The following ECHS1 variants were observed in gnomAD, a reference collection of about 807,000 sequenced individuals.
ECHS1 encodes enoyl-CoA hydratase, mitochondrial.
In ECHS1, 19 loss-of-function variants were observed where a neutral mutation model predicts 33.5. That is an observed-to-expected ratio of 0.57 (90% CI 0.40 to 0.83). The LOEUF (loss-of-function observed/expected upper bound fraction) is 0.83, where lower values mean the gene tolerates loss of function less well. Among genes scored for constraint, ECHS1 ranks in the 40% least tolerant of loss-of-function variants. The pLI, the probability that ECHS1 is intolerant of heterozygous loss-of-function variation, is 0.00. For missense variants in ECHS1, 365 were observed against 381.3 expected, an observed-to-expected ratio of 0.96 and a Z score of 0.36; for synonymous variants, 158 against 146.6, an observed-to-expected ratio of 1.08 and a Z score of -0.56.
rs906664996 is a variant in ECHS1 at position 133,363,355 on chromosome 10, G to GCACACA, written c.808-428_808-423dup. On this transcript the variant is annotated intron_variant, in intron 7 of 7. Coordinates refer to ENST00000368547, the MANE Select transcript of ECHS1 (RefSeq NM_004092.4). ...CGTGTGTCCCCAGGTGTGCGCGCGC[G>GCACACA]CACACACACACACACACACACACAC... Among the ~76,000 whole-genome samples the GCACACA allele has an allele frequency of 2.2e-3, 320 of 144,990 alleles. 1 individual carries two copies. The highest frequency in any genetic ancestry group is 7.7e-3 in the African/African-American group (297 of 38,760).
chr10:133,362,802 C>T lies in ECHS1; in HGVS notation c.*66G>A. The T allele has an allele frequency of 6.5e-7, 1 of 1,538,730 alleles. No homozygotes were observed. The highest frequency in any genetic ancestry group is 1.4e-5 in the African/African-American group (1 of 73,380). Reference sequence around the variant, plus strand: ...TCTTGAAAAGAGGATGATTTACTTGCTTCTAAAACTGACAGGCTGCACTTG... The same window carrying T: ...TCTTGAAAAGAGGATGATTTACTTGTTTCTAAAACTGACAGGCTGCACTTG... On this transcript the variant is annotated 3_prime_UTR_variant, in exon 8 of 8. Transcript: ENST00000368547.
At position 133,370,534 on chromosome 10, in the gene ECHS1, ACAAAGGCCTCTGCTGCCGCGCGTACCTG is replaced by A. The variant is rs1382284183; in HGVS notation, c.284_286+25del. On this transcript the variant is annotated splice_donor_variant and splice_donor_5th_base_variant and coding_sequence_variant and intron_variant, in exon 2 of 8. Transcript: ENST00000368547. LOFTEE classifies it high-confidence loss of function. Reference sequence around the variant, plus strand: ...ACGTGCCTCCCACATCTGCCCAGACACAAAGGCCTCTGCTGCCGCGCGTACCTGCAAAGGCCTTATCCCCGCCGGTGAG... The same window carrying A: ...ACGTGCCTCCCACATCTGCCCAGACACAAAGGCCTTATCCCCGCCGGTGAG... 1 of 1,494,888 alleles carries A rather than the reference ACAAAGGCCTCTGCTGCCGCGCGTACCTG, an allele frequency of 6.7e-7. No individual in the cohort carries two copies. The highest frequency in any genetic ancestry group is 2.4e-5 in the East Asian group (1 of 41,288). The allele number at this position is 1,494,888 out of a possible 1,614,324, so 92.6% of individuals were successfully genotyped here. A position where few individuals can be genotyped will look rare whatever the true frequency, so the allele number is the denominator to read the frequency against.
At chr10:133,368,321 A>G (rs1462135944) in intron 4 of ECHS1, among the ~76,000 whole-genome samples, 3 of 152,162 alleles carry the variant, frequency 2.0e-5, no homozygotes, top group Non-Finnish European at 4.4e-5. Flanking sequence ...CACCGAGCTC[A>G]CAGCTCCAGG....
chr10:133,366,176 C>G, intron 5 of ECHS1, 81 bp from the exon 6 acceptor site: 1 of 1,532,184 alleles, frequency 6.5e-7, no homozygotes, highest in Non-Finnish European at 8.8e-7. Flanking sequence ...CGCTGGGGAG[C>G]AGCGTGGCTG....
At chr10:133,364,483 A>C (rs912232552) in intron 7 of ECHS1, among the ~76,000 whole-genome samples, 175 bp downstream of exon 7, 2 of 152,154 alleles carry the variant, frequency 1.3e-5, no homozygotes, top group African/African-American at 4.8e-5. Flanking sequence ...TACATGCTCT[A>C]CTTTTTTCCT....
chr10:133,364,750 T>C (rs780296621), intron 6 of ECHS1, 25 bp from the exon 7 acceptor site: 5 of 1,590,488 alleles, frequency 3.1e-6, no homozygotes, highest in Non-Finnish European at 4.3e-6. Context: ...CCCAGAGTTA[T>C]GAACGGAGAT....
At position 133,362,723 on chromosome 10, in the gene ECHS1, G is replaced by A. The variant is rs1435922385; in HGVS notation, c.*145C>T. ...GACGAAGGCTGTCATGCCGTGAGAG[G>A]TCGGGCCACGACCACGCAGCAATTG... On this transcript the variant is annotated 3_prime_UTR_variant, in exon 8 of 8. Transcript: ENST00000368547. 2.3e-6 allele frequency: 2 copies of A among 864,072 alleles called. No homozygotes were observed. Among genetic ancestry groups the A allele is most frequent in the Admixed American group, 2.0e-5 (1 of 50,690 alleles). 53.5% of individuals were successfully genotyped at this position (864,072 alleles called of 1,614,324 possible).
chr10:133,364,102 G>A (rs1010994021), intron 7 of ECHS1, among the ~76,000 whole-genome samples: 3 of 151,938 alleles, frequency 2.0e-5, no homozygotes, highest in East Asian at 1.9e-4. Flanking sequence ...CTGCCACCAC[G>A]CCCGGCTAAT....
At chr10:133,371,885 C>T (rs1849113865) in intron 1 of ECHS1, among the ~76,000 whole-genome samples, 1 of 152,148 alleles carries the variant, frequency 6.6e-6, no homozygotes, top group South Asian at 2.1e-4. Flanking sequence ...CGACCTCTGC[C>T]TACAGGGTTC....
intron 1 of ECHS1, among the ~76,000 whole-genome samples, chr10:133,372,589 C>T (rs929505843): frequency 6.6e-6 from 1 of 152,060 alleles, no homozygotes; most frequent in African/African-American, 2.4e-5. Context: ...CCCAGTTGGC[C>T]AGAGGTCTTG....
Position 133,368,989 on chromosome 10 carries a change from C to T in ECHS1, c.448G>A (p.Asp150Asn). Residue 150 changes from aspartate (D) to asparagine (N), a missense_variant, in exon 4 of 8, where the codon GAT becomes AAT. Asp to Asn is a conservative substitution (Grantham distance 23). Coordinates refer to ENST00000368547, the MANE Select transcript of ECHS1 (RefSeq NM_004092.4). ...GCCTTCTCACCGGCATAGATGATAT[C>T]ACACATCATGGCAAGCTCACAGCCC... ...GGGCELAMMC[D>N]IIYAGEKAQF... is the part of the protein sequence containing the mutation. 4 of 1,613,698 alleles carry T rather than the reference C, an allele frequency of 2.5e-6. No individual in the cohort carries two copies. Among genetic ancestry groups the T allele is most frequent in the Non-Finnish European group, 3.4e-6 (4 of 1,179,934 alleles).
chr10:133,366,624 C>T (rs1055755356), intron 5 of ECHS1, among the ~76,000 whole-genome samples: 1 of 150,960 alleles, frequency 6.6e-6, no homozygotes. Context: ...ACGAGGGGGA[C>T]ACCTGGATGC....
intron 3 of ECHS1, 91 bp from the exon 4 acceptor site, chr10:133,369,113 AAC>A: frequency 8.1e-7 from 1 of 1,241,956 alleles, no homozygotes; most frequent in Non-Finnish European, 1.2e-6. Flanking sequence ...ATTTAAAAGA[AAC>A]AGTGTTGGGG....
chr10:133,366,392 G>A (rs1449156320), intron 5 of ECHS1, among the ~76,000 whole-genome samples: 1 of 152,278 alleles, frequency 6.6e-6, no homozygotes, highest in Non-Finnish European at 1.5e-5. Flanking sequence ...ACCGGCCACT[G>A]AGGCCTGGAG....
At chr10:133,363,362 C>T (rs1254343925) in intron 7 of ECHS1, among the ~76,000 whole-genome samples, 1 of 61,626 alleles carries the variant, frequency 1.6e-5, no homozygotes, top group African/African-American at 4.0e-5. Context: ...CGCGCACACA[C>T]ACACACACAC....
At chr10:133,365,283 C>A (rs1849014023) in intron 6 of ECHS1, among the ~76,000 whole-genome samples, 1 of 152,230 alleles carries the variant, frequency 6.6e-6, no homozygotes, top group Non-Finnish European at 1.5e-5. Flanking sequence ...ACAGCAGCCT[C>A]CGTTCTTTCA....
intron 4 of ECHS1, among the ~76,000 whole-genome samples, chr10:133,368,689 C>A (rs1849064768): frequency 6.6e-6 from 1 of 152,166 alleles, no homozygotes; most frequent in Admixed American, 6.5e-5. Flanking sequence ...CAGGACCAGC[C>A]TCTCCCAACA....
chr10:133,368,709 G>A (rs1473997618), intron 4 of ECHS1, among the ~76,000 whole-genome samples: 2 of 152,124 alleles, frequency 1.3e-5, no homozygotes, highest in East Asian at 3.9e-4. Context: ...ACCATCAGAT[G>A]TGGGCACAGT....
intron 7 of ECHS1, 110 bp downstream of exon 7, chr10:133,364,548 A>G: frequency 1.2e-6 from 1 of 834,838 alleles, no homozygotes; most frequent in Non-Finnish European, 2.0e-6. Flanking sequence ...TGAGGCTGGC[A>G]GTTCTGACCA....
Sources: gnomAD v4.1 joint callset for allele counts (sites outside exome capture counted in the v4.1 genomes callset) on GRCh38, gnomAD v4.1.1 for gene constraint, MANE v1.5 for transcripts, NCBI Gene and HGNC (gene_info 2026-07-23, HGNC 2026-07-21) for gene names.